MTA3: variants seen among roughly 807,000 people sequenced by gnomAD.
MTA3 encodes the protein metastasis-associated protein MTA3.
MTA3 carries 34 observed loss-of-function variants against 83.5 expected under a neutral mutation model. That is an observed-to-expected ratio of 0.41 (90% CI 0.31 to 0.54). The LOEUF (loss-of-function observed/expected upper bound fraction) is 0.54, where lower values mean the gene tolerates loss of function less well. Ranked by LOEUF, MTA3 falls within the 20% of genes least tolerant of loss-of-function variation. MTA3 has a pLI of 0.33. For missense variants in MTA3, 761 were observed against 726.4 expected (o/e 1.05, Z -0.55); for synonymous variants, 303 against 252.7 (o/e 1.20, Z -1.89).
chr2:42,591,279 GC>G (rs1470523609), intron 3 of MTA3, among the ~76,000 whole-genome samples: 1 of 152,174 alleles, frequency 6.6e-6, no homozygotes, highest in Non-Finnish European at 1.5e-5. Context: ...CAGTAAAAAT[GC>G]AGTAGAAAGG....
chr2:42,553,679 G>T (rs1677232731), intron 2 of MTA3, among the ~76,000 whole-genome samples: 1 of 151,200 alleles, frequency 6.6e-6, no homozygotes. Context: ...AGGTTGCAGT[G>T]AGCCGAGATC....
Position 42,568,700 on chromosome 2 carries a change from G to T in MTA3, c.-46G>T. The stretch of plus-strand genomic sequence containing the variant: ...GGCTGAGGCTGAGGAGGAGGCGGCG[G>T]CGGCGGGCGGGGCTCGGCTCGGGCT... On this transcript the variant is annotated 5_prime_UTR_variant, in exon 1 of 17. Transcript: ENST00000405094. 1 of 1,199,812 alleles carries T rather than the reference G, an allele frequency of 8.3e-7. No individual in the cohort carries two copies. The highest frequency in any genetic ancestry group is 1.6e-5 in the African/African-American group (1 of 62,920). The allele number at this position is 1,199,812 out of a possible 1,614,324, so 74.3% of individuals were successfully genotyped here.
intron 2 of MTA3, among the ~76,000 whole-genome samples, chr2:42,540,892 A>T (rs1346644280): frequency 2.0e-5 from 3 of 152,136 alleles, no homozygotes; most frequent in Admixed American, 6.5e-5. Context: ...TTGCCTTTTA[A>T]TGTTAGCCAT....
At chr2:42,590,677 A>G (rs139222834) in intron 3 of MTA3, among the ~76,000 whole-genome samples, 115 of 138,626 alleles carry the variant, frequency 8.3e-4, no homozygotes, top group Middle Eastern at 4.2e-3. Flanking sequence ...CTGGAGTGCA[A>G]TGGTGCGATC....
chr2:42,630,221 A>G (rs962515807), intron 4 of MTA3, among the ~76,000 whole-genome samples: 1 of 152,208 alleles, frequency 6.6e-6, no homozygotes, highest in African/African-American at 2.4e-5. Flanking sequence ...CATTACTTTC[A>G]ATAGCAGAGA....
intron 4 of MTA3, among the ~76,000 whole-genome samples, chr2:42,638,043 C>G (rs990362014): frequency 3.3e-5 from 5 of 151,926 alleles, no homozygotes; most frequent in African/African-American, 1.2e-4. Flanking sequence ...AGTTGACTAG[C>G]CTTAAAAAAA....
At position 42,611,341 on chromosome 2, in the gene MTA3, C is replaced by CACACACACACACACACA. The variant is rs1462110821; in HGVS notation, c.317+1757_317+1758insACACACACACACACACA. On this transcript the variant is annotated intron_variant, in intron 4 of 16. Coordinates refer to ENST00000405094, the MANE Select transcript of MTA3 (RefSeq NM_001330442.2). ...AACACATACACACACACACACACAC[C>CACACACACACACACACA]CCCTCACACACATGCTCCAATTCCT... Among the ~76,000 whole-genome samples, 268 of 149,630 alleles carry CACACACACACACACACA rather than the reference C, an allele frequency of 1.8e-3. 2 individuals are homozygous for CACACACACACACACACA. Among genetic ancestry groups the CACACACACACACACACA allele is most frequent in the Middle Eastern group, 0.01 (3 of 294 alleles).
intron 16 of MTA3, among the ~76,000 whole-genome samples, chr2:42,725,178 C>T (rs1241334568): frequency 6.6e-6 from 1 of 152,192 alleles, no homozygotes; most frequent in Non-Finnish European, 1.5e-5. Context: ...ATTTGTTTTG[C>T]ATATCATTGT....
At chr2:42,752,023 CT>C (rs1669911221) in intron 16 of MTA3, among the ~76,000 whole-genome samples, 2 of 152,118 alleles carry the variant, frequency 1.3e-5, no homozygotes, top group South Asian at 4.1e-4. Flanking sequence ...CCTCAGCTTA[CT>C]TACTGTGACC....
chr2:42,665,658 A>T (rs1284404695), intron 8 of MTA3, among the ~76,000 whole-genome samples: 1 of 152,200 alleles, frequency 6.6e-6, no homozygotes, highest in Non-Finnish European at 1.5e-5. Flanking sequence ...GCCAAAGTGA[A>T]GGTACTGGCT....
intron 2 of MTA3, among the ~76,000 whole-genome samples, chr2:42,502,076 G>A (rs974674629): frequency 6.6e-6 from 1 of 151,730 alleles, no homozygotes; most frequent in Non-Finnish European, 1.5e-5. Context: ...AGAGGTTACA[G>A]GCAAAGTCAT....
Position 42,625,021 on chromosome 2 carries a change from TTTTCC to T in MTA3, c.318-15148_318-15144del, listed in dbSNP as rs1685937981. Among the ~76,000 whole-genome samples the T allele has an allele frequency of 2.0e-5, 3 of 152,070 alleles. No homozygotes were observed. In the South Asian group the frequency reaches 6.2e-4, roughly 32 times the overall value. On this transcript the variant is annotated intron_variant, in intron 4 of 16. Transcript: ENST00000405094. ...TACACCATTGTAATTTGAAGATCTG[TTTTCC>T]TTTATTTACTTTTTTATTTTTTTGA...
At chr2:42,717,821 C>A (rs1667132735) in intron 14 of MTA3, among the ~76,000 whole-genome samples, 1 of 152,192 alleles carries the variant, frequency 6.6e-6, no homozygotes, top group African/African-American at 2.4e-5. Context: ...GAAGGGATGG[C>A]CAAGTATGGC....
At chr2:42,586,872 A>C (rs1002326999) in intron 3 of MTA3, among the ~76,000 whole-genome samples, 4 of 152,100 alleles carry the variant, frequency 2.6e-5, no homozygotes, top group African/African-American at 7.2e-5. Context: ...AAAATACAAA[A>C]ATTAGCTGGG....
intron 3 of MTA3, among the ~76,000 whole-genome samples, chr2:42,593,770 A>C (rs1681327825): frequency 6.6e-6 from 1 of 152,194 alleles, no homozygotes; most frequent in South Asian, 2.1e-4. Flanking sequence ...GTGAATAGCC[A>C]CTGCATTTCA....
At chr2:42,624,776 T>C (rs922840053) in intron 4 of MTA3, among the ~76,000 whole-genome samples, 1 of 152,240 alleles carries the variant, frequency 6.6e-6, no homozygotes, top group African/African-American at 2.4e-5. Context: ...TGATCTTTCT[T>C]TGCATTGAAT....
intron 2 of MTA3, among the ~76,000 whole-genome samples, chr2:42,513,773 A>G (rs1675006185): frequency 6.6e-6 from 1 of 152,248 alleles, no homozygotes. Flanking sequence ...AGGGAAGTGC[A>G]GGACTGCCAC....
intron 12 of MTA3, among the ~76,000 whole-genome samples, 165 bp downstream of exon 12, chr2:42,704,483 G>A (rs1665894218): frequency 6.6e-6 from 1 of 152,072 alleles, no homozygotes. Flanking sequence ...TGGAACAGAG[G>A]GACTGTTTAT....
At chr2:42,568,839 G>A (rs1678117744) in intron 1 of MTA3, 66 bp downstream of exon 1, 1 of 1,208,654 alleles carries the variant, frequency 8.3e-7, no homozygotes, top group Non-Finnish European at 1.0e-6. Context: ...GCCGGGGCGA[G>A]TGCACGCCAA....
Sources: gnomAD v4.1 joint callset for allele counts (sites outside exome capture counted in the v4.1 genomes callset) on GRCh38, gnomAD v4.1.1 for gene constraint, MANE v1.5 for transcripts, NCBI Gene and HGNC (gene_info 2026-07-23, HGNC 2026-07-21) for gene names.